Variants in MGST2 observed in about 807,000 individuals in gnomAD.
MGST2 encodes microsomal glutathione S-transferase 2.
MGST2 carries 9 observed loss-of-function variants against 16.6 expected under a neutral mutation model. The ratio of observed to expected loss-of-function variants is 0.54; its 90% CI spans 0.33 to 0.95. MGST2 has a LOEUF of 0.95. Among genes scored for constraint, MGST2 ranks in the 40% least tolerant of loss-of-function variants. MGST2 has a pLI of 0.03. For synonymous variants in MGST2, 79 were observed against 68.0 expected (o/e 1.16, Z -0.79); for missense variants, 159 against 175.1 (o/e 0.91, Z 0.52).
intron 1 of MGST2, 120 bp downstream of exon 1, chr4:139,666,197 C>T: frequency 9.4e-7 from 1 of 1,059,426 alleles, no homozygotes; most frequent in Non-Finnish European, 1.4e-6. Context: ...TTCCTACTTG[C>T]CCTTGCAGGT....
intron 5 of MGST2, chr4:139,730,398 C>T (rs1384096289): frequency 1.3e-5 from 20 of 1,546,158 alleles, no homozygotes; most frequent in Admixed American, 1.2e-4. Flanking sequence ...GAATGAATCA[C>T]GCCAAGGGGC....
downstream of MGST2, among the ~76,000 whole-genome samples, chr4:139,741,750 A>C (rs1472361148): frequency 1.3e-5 from 2 of 152,226 alleles, no homozygotes; most frequent in Non-Finnish European, 2.9e-5. Context: ...CTGTCTCAAA[A>C]AAAATTCTGC....
chr4:139,754,126 A>G, the MGST2 span, among the ~76,000 whole-genome samples: 3 of 152,288 alleles, frequency 2.0e-5, no homozygotes, highest in Non-Finnish European at 4.4e-5. Context: ...CATATGCCCT[A>G]TGACTGAAAC....
At chr4:139,669,704 A>G (rs1730567785) in intron 1 of MGST2, among the ~76,000 whole-genome samples, 1 of 152,236 alleles carries the variant, frequency 6.6e-6, no homozygotes, top group South Asian at 2.1e-4. Context: ...CTGAAGGTTC[A>G]CTGAACGTCA....
intron 3 of MGST2, among the ~76,000 whole-genome samples, chr4:139,699,630 T>A (rs746780210): frequency 1.3e-5 from 2 of 152,216 alleles, no homozygotes; most frequent in Non-Finnish European, 2.9e-5. Context: ...AATATATTTA[T>A]TTGAAAATAT....
chr4:139,693,353 C>T lies in MGST2; in HGVS notation c.159-1844C>T, dbSNP rs185470144. 3.7e-3 allele frequency among the ~76,000 whole-genome samples: 535 copies of T among 145,868 alleles called. 6 individuals carry two copies. The highest frequency in any genetic ancestry group is 3.4e-3 in the Non-Finnish European group (231 of 67,266). On this transcript the variant is annotated intron_variant, in intron 2 of 4. Coordinates refer to ENST00000265498, the MANE Select transcript of MGST2 (RefSeq NM_002413.5). ...CCAGGAGGCGGAGCTTGTAGTGAGC[C>T]GAGATCGTGCCACTGCACTCCAGCC...
intron 3 of MGST2, among the ~76,000 whole-genome samples, chr4:139,700,580 A>G (rs1727197676): frequency 6.6e-6 from 1 of 152,130 alleles, no homozygotes; most frequent in African/African-American, 2.4e-5. Flanking sequence ...AATTTTTCCA[A>G]CTTGACATTC....
intron 4 of MGST2, 41 bp downstream of exon 4, chr4:139,703,577 G>T (rs1489026761): frequency 6.4e-7 from 1 of 1,567,530 alleles, no homozygotes; most frequent in Non-Finnish European, 8.8e-7. Context: ...GCAAAAAGTA[G>T]CAGGATAAGG....
At chr4:139,705,505 C>T (rs553434405), downstream of MGST2, 10 of 152,172 alleles carry the variant, frequency 6.6e-5, no homozygotes, top group African/African-American at 2.4e-4. Context: ...CAAATTTCAG[C>T]CAGTTTTTTT....
At chr4:139,722,156 T>C (rs535482764) in intron 5 of MGST2, among the ~76,000 whole-genome samples, 3 of 152,338 alleles carry the variant, frequency 2.0e-5, no homozygotes, top group South Asian at 4.1e-4. Context: ...TAGGTTCCTT[T>C]CTTTAGAGGG....
At chr4:139,688,755 T>A (rs922381348) in intron 2 of MGST2, among the ~76,000 whole-genome samples, 7 of 152,122 alleles carry the variant, frequency 4.6e-5, no homozygotes, top group Non-Finnish European at 1.0e-4. Context: ...TTCTTACAAG[T>A]GTAACCATCA....
chr4:139,702,844 GTTTTTTTTTTTTTT>G (rs70943436), intron 3 of MGST2, among the ~76,000 whole-genome samples: 4 of 46,452 alleles, frequency 8.6e-5, no homozygotes, highest in Non-Finnish European at 1.8e-4. Context: ...TGTGTTACTG[GTTTTTTTTTTTTTT>G]TTTTTTTTTT....
intron 5 of MGST2, chr4:139,720,303 C>T: frequency 6.5e-7 from 1 of 1,546,764 alleles, no homozygotes; most frequent in Middle Eastern, 1.7e-4. Flanking sequence ...CTTCTTACGG[C>T]TGCTATATCC....
chr4:139,666,217 T>A, intron 1 of MGST2, 140 bp downstream of exon 1: 5 of 857,500 alleles, frequency 5.8e-6, no homozygotes, highest in Non-Finnish European at 9.6e-6. Context: ...TAGCTCTGGG[T>A]CCTCAGAGCA....
intron 5 of MGST2, chr4:139,725,911 C>A: frequency 8.1e-7 from 1 of 1,231,874 alleles, no homozygotes. Flanking sequence ...CCAGCAGTTC[C>A]GAGGAAGGTA....
Position 139,697,608 on chromosome 4 carries a change from T to A in MGST2, c.229+2341T>A, listed in dbSNP as rs535967016. On this transcript the variant is annotated intron_variant, in intron 3 of 4. Coordinates refer to ENST00000265498, the MANE Select transcript of MGST2 (RefSeq NM_002413.5). ...AATCCTATTAGAGTCTACAAGTATG[T>A]GTTTCTTTTTTCTTTTAATAGTTTA... is the stretch of plus-strand genomic sequence containing the variant. Among the ~76,000 whole-genome samples the A allele has an allele frequency of 7.2e-5, 11 of 152,188 alleles. No individual in the cohort carries two copies. The South Asian group carries it at 2.3e-3, about 31-fold the overall frequency.
intron 5 of MGST2, among the ~76,000 whole-genome samples, chr4:139,725,166 A>G (rs1256786190): frequency 1.1e-4 from 17 of 152,352 alleles, no homozygotes; most frequent in Non-Finnish European, 1.5e-5. Context: ...CTACTAGGTC[A>G]TGATTTAGGA....
intron 5 of MGST2, chr4:139,730,722 G>C: frequency 6.6e-7 from 1 of 1,508,400 alleles, no homozygotes; most frequent in Non-Finnish European, 9.1e-7. Flanking sequence ...ACTCACTGCT[G>C]TTTGAAGGGA....
intron 5 of MGST2, among the ~76,000 whole-genome samples, chr4:139,723,716 A>G (rs1390914304): frequency 6.6e-6 from 1 of 152,128 alleles, no homozygotes; most frequent in Admixed American, 6.5e-5. Flanking sequence ...TTCCCCCACA[A>G]ATAATACATG....
Sources: allele counts gnomAD v4.1 joint callset (sites outside exome capture counted in the v4.1 genomes callset), GRCh38; gene constraint gnomAD v4.1.1; transcripts MANE v1.5; gene names NCBI Gene and HGNC (gene_info 2026-07-23, HGNC 2026-07-21).